The following RCC1L variants were observed in gnomAD, a reference collection of about 807,000 sequenced individuals.
The protein encoded by RCC1L is RCC1-like G exchanging factor-like protein.
A neutral mutation model predicts 58.6 loss-of-function variants in RCC1L; 46 were observed. The observed-to-expected ratio is 0.79, with a 90% CI of 0.62 to 1.00. The LOEUF (loss-of-function observed/expected upper bound fraction) is 1.00, where lower values mean the gene tolerates loss of function less well. Ranked by LOEUF, RCC1L falls within the 50% of genes least tolerant of loss-of-function variation. The pLI, the probability that RCC1L is intolerant of heterozygous loss-of-function variation, is 0.00. For synonymous variants in RCC1L, 281 were observed against 262.9 expected, an observed-to-expected ratio of 1.07 and a Z score of -0.67; for missense variants, 636 against 623.6, an observed-to-expected ratio of 1.02 and a Z score of -0.21.
intron 7 of RCC1L, chr7:75,058,078 T>C (rs1157178912): frequency 1.1e-5 from 1 of 92,746 alleles, no homozygotes; most frequent in African/African-American, 1.2e-4. Flanking sequence ...GAATTGCTTG[T>C]ACCCAGGAGG....
At chr7:75,047,975 A>AAAAAAC (rs1805783214) in intron 10 of RCC1L, among the ~76,000 whole-genome samples, 1 of 148,130 alleles carries the variant, frequency 6.8e-6, no homozygotes, top group Non-Finnish European at 1.5e-5. Flanking sequence ...AAAAAAAAAA[A>AAAAAAC]AGAACCACCG....
At position 75,042,207 on chromosome 7, in the gene RCC1L, G is replaced by C; in HGVS notation, c.*825C>G. 1 of 985,436 alleles carries C rather than the reference G, an allele frequency of 1.0e-6. No homozygotes were observed. The highest frequency in any genetic ancestry group is 1.2e-6 in the Non-Finnish European group (1 of 829,930). The allele number at this position is 985,436 out of a possible 1,614,324, so 61.0% of individuals were successfully genotyped here. A position where few individuals can be genotyped will look rare whatever the true frequency, so the allele number is the denominator to read the frequency against. ...CTTAAAAACCAAAAGGCAGAAAATA[G>C]ACTTTATTCCAAGACAGATTTGTAA... On this transcript the variant is annotated 3_prime_UTR_variant, in exon 11 of 11. Coordinates refer to ENST00000610322, the MANE Select transcript of RCC1L (RefSeq NM_030798.5).
chr7:75,043,018 C>A lies in RCC1L; in HGVS notation c.*14G>T, dbSNP rs893344110. The A allele has an allele frequency of 2.4e-5, 39 of 1,613,908 alleles. No individual in the cohort carries two copies. In the African/African-American group the frequency reaches 3.3e-4, roughly 14 times the overall value. On this transcript the variant is annotated 3_prime_UTR_variant, in exon 11 of 11. Coordinates refer to ENST00000610322, the MANE Select transcript of RCC1L (RefSeq NM_030798.5). ...GGTTCCCGGGACGGGGCCGCCCAAG[C>A]AGGTGAGGGAGGTTTAGATGAATGA...
intron 5 of RCC1L, 99 bp from the exon 6 acceptor site, chr7:75,061,390 G>T: frequency 2.1e-6 from 2 of 957,760 alleles, no homozygotes; most frequent in Non-Finnish European, 3.4e-6. Context: ...CCGCTCCTGG[G>T]CACCTGGAGC....
intron 2 of RCC1L, among the ~76,000 whole-genome samples, chr7:75,068,483 C>T (rs1418826052): frequency 3.3e-5 from 5 of 152,216 alleles, no homozygotes; most frequent in Admixed American, 1.3e-4. Context: ...GTCAGGAGTT[C>T]AACACCAACC....
intron 10 of RCC1L, 48 bp downstream of exon 10, chr7:75,052,663 G>A (rs1805948554): frequency 6.4e-7 from 1 of 1,552,380 alleles, no homozygotes; most frequent in African/African-American, 1.4e-5. Context: ...GACGTCAGGT[G>A]ACTCTACTCT....
intron 1 of RCC1L, among the ~76,000 whole-genome samples, chr7:75,072,192 G>GAGAGAGAGAGA (rs1806785594): frequency 8.9e-4 from 56 of 63,252 alleles, no homozygotes; most frequent in Non-Finnish European, 1.8e-3. Context: ...ATATATATAT[G>GAGAGAGAGAGA]GAGAGAGAGA....
Position 75,058,586 on chromosome 7 carries a change from AC to A in RCC1L, c.969+1del, listed in dbSNP as rs1359669809. ...AGCACCACGCTGTCGGCGACTGCATACCTGTGTGGAGTCAGTGACAGAGGCC... is the reference window on the plus strand; with the variant it reads ...AGCACCACGCTGTCGGCGACTGCATACTGTGTGGAGTCAGTGACAGAGGCC... On this transcript the variant is annotated splice_donor_variant, in intron 7 of 10. Coordinates refer to ENST00000610322, the MANE Select transcript of RCC1L (RefSeq NM_030798.5). LOFTEE classifies it high-confidence loss of function. The A allele has an allele frequency of 1.2e-6, 2 of 1,600,988 alleles. No homozygotes were observed. Among genetic ancestry groups the A allele is most frequent in the Non-Finnish European group, 1.7e-6 (2 of 1,172,912 alleles).
intron 3 of RCC1L, among the ~76,000 whole-genome samples, chr7:75,066,362 G>A (rs900951725): frequency 2.6e-5 from 4 of 152,010 alleles, no homozygotes; most frequent in Non-Finnish European, 5.9e-5. Flanking sequence ...GCTGAGGCAG[G>A]AGAATGGCGT....
intron 10 of RCC1L, among the ~76,000 whole-genome samples, chr7:75,030,236 C>T (rs2064359978): frequency 2.0e-5 from 3 of 152,302 alleles, no homozygotes; most frequent in South Asian, 4.1e-4. Flanking sequence ...TACCTGTGAG[C>T]GTGGATGTGT....
chr7:75,031,970 C>T (rs1055006487), intron 10 of RCC1L, among the ~76,000 whole-genome samples: 12 of 152,334 alleles, frequency 7.9e-5, no homozygotes, highest in Non-Finnish European at 1.6e-4. Context: ...TGGCGCCCAG[C>T]TTCCCCCAGA....
At chr7:75,034,023 C>A (rs1264923308) in intron 10 of RCC1L, among the ~76,000 whole-genome samples, 1 of 151,998 alleles carries the variant, frequency 6.6e-6, no homozygotes, top group Non-Finnish European at 1.5e-5. Flanking sequence ...GTGAAGAAAG[C>A]GGAAAGAAAA....
intron 3 of RCC1L, among the ~76,000 whole-genome samples, chr7:75,066,254 A>G (rs961210522): frequency 2.0e-5 from 3 of 152,016 alleles, no homozygotes; most frequent in Non-Finnish European, 4.4e-5. Flanking sequence ...GATTGAGACC[A>G]TCCTGGCTAA....
rs781796275 is a variant in RCC1L at position 75,070,751 on chromosome 7, C to T, written c.343G>A (p.Gly115Ser). Residue 115 changes from glycine to serine, a missense_variant, in exon 2 of 11, where the codon GGC becomes AGC. By Grantham distance (56) the Gly-to-Ser change is moderately conservative. Coordinates refer to ENST00000610322, the MANE Select transcript of RCC1L (RefSeq NM_030798.5). Reference sequence around the variant, plus strand: ...GAGGACAGCAGTGTGAATCCATAGCCGCAAGCAGCAGATGAAATCTGAAAA... The same window carrying T: ...GAGGACAGCAGTGTGAATCCATAGCTGCAAGCAGCAGATGAAATCTGAAAA... The part of the protein sequence containing the change: ...LDQKISSAAC[G>S]YGFTLLSSKT... 5.6e-6 allele frequency: 9 copies of T among 1,613,998 alleles called. No homozygotes were observed. The highest frequency in any genetic ancestry group is 2.2e-5 in the South Asian group (2 of 91,072).
intron 2 of RCC1L, among the ~76,000 whole-genome samples, chr7:75,069,095 C>T (rs1261597253): frequency 1.5e-4 from 23 of 152,152 alleles, no homozygotes; most frequent in Admixed American, 3.3e-4. Flanking sequence ...TCTCAAACTT[C>T]TGATCTCGTG....
rs587670274 is a variant in RCC1L, at chr7:75,071,165, A to G, written c.325-396T>C. 5.3e-5 allele frequency among the ~76,000 whole-genome samples: 8 copies of G among 152,278 alleles called. 1 individual carries two copies. In the South Asian group the frequency reaches 1.5e-3, roughly 28 times the overall value. The stretch of plus-strand genomic sequence containing the variant: ...GCCACCGTGCCTGGCCCAAGAACAC[A>G]TATTATTAAGACAGCAACTAGCATT... On this transcript the variant is annotated intron_variant, in intron 1 of 10. Transcript: ENST00000610322.
intron 10 of RCC1L, among the ~76,000 whole-genome samples, chr7:75,044,451 T>C (rs1395126197): frequency 2.6e-5 from 4 of 151,018 alleles, no homozygotes; most frequent in Admixed American, 2.0e-4. Context: ...ATACAAAAAT[T>C]ATCTGGGTGT....
Position 75,042,183 on chromosome 7 carries a change from T to A in RCC1L, c.*849A>T. ...AGATTTAAGAAGATCTCTTCAGAGC[T>A]TAAAAACCAAAAGGCAGAAAATAGA... On this transcript the variant is annotated 3_prime_UTR_variant, in exon 11 of 11. Coordinates refer to ENST00000610322, the MANE Select transcript of RCC1L (RefSeq NM_030798.5). 1 of 985,418 alleles carries A rather than the reference T, an allele frequency of 1.0e-6. No individual in the cohort carries two copies. The allele number at this position is 985,418 out of a possible 1,614,324, so 61.0% of individuals were successfully genotyped here.
chr7:75,064,506 T>C, intron 4 of RCC1L, 76 bp downstream of exon 4: 1 of 1,567,668 alleles, frequency 6.4e-7, no homozygotes, highest in Non-Finnish European at 8.8e-7. Context: ...CCCCGCGGGT[T>C]TACCACAGTC....
Sources: allele counts gnomAD v4.1 joint callset (sites outside exome capture counted in the v4.1 genomes callset), GRCh38; gene constraint gnomAD v4.1.1; transcripts MANE v1.5; gene names NCBI Gene and HGNC (gene_info 2026-07-23, HGNC 2026-07-21).